RBFOX1: variants seen among roughly 807,000 people sequenced by gnomAD.
RBFOX1 encodes RNA binding fox-1 homolog 1, also known as RNA binding protein fox-1 homolog 1.
RBFOX1 carries 8 observed loss-of-function variants against 57.7 expected under a neutral mutation model. The observed-to-expected ratio is 0.14, with a 90% CI of 0.08 to 0.25. The LOEUF is 0.25. Ranked by LOEUF, RBFOX1 falls within the 10% of genes least tolerant of loss-of-function variation. RBFOX1 has a pLI of 1.00. For synonymous variants in RBFOX1, 326 were observed against 222.4 expected, an observed-to-expected ratio of 1.47 and a Z score of -4.15; for missense variants, 611 against 548.5, an observed-to-expected ratio of 1.11 and a Z score of -1.14.
chr16:7,675,123 T>C (rs1195687356), intron 13 of RBFOX1, among the ~76,000 whole-genome samples: 1 of 152,200 alleles, frequency 6.6e-6, no homozygotes, highest in African/African-American at 2.4e-5. Flanking sequence ...TTAAGTTTAA[T>C]GTATGTACCT....
At chr16:6,797,657 G>T (rs929268114) in intron 3 of RBFOX1, among the ~76,000 whole-genome samples, 3 of 152,080 alleles carry the variant, frequency 2.0e-5, no homozygotes, top group African/African-American at 7.2e-5. Context: ...CCTTGGTTCT[G>T]GAAAGGTCCT....
At chr16:5,751,125 G>A (rs927780969) in intron 3 of RBFOX1, among the ~76,000 whole-genome samples, 3 of 152,174 alleles carry the variant, frequency 2.0e-5, no homozygotes, top group African/African-American at 7.2e-5. Flanking sequence ...TTACAGGCAT[G>A]AGCCATCGTG....
chr16:7,445,318 T>C (rs1409186071), intron 4 of RBFOX1, among the ~76,000 whole-genome samples: 1 of 152,196 alleles, frequency 6.6e-6, no homozygotes, highest in East Asian at 1.9e-4. Context: ...TCTTAGCTTC[T>C]GAACAATAGC....
At chr16:5,875,942 C>T (rs964680190) in intron 4 of RBFOX1, among the ~76,000 whole-genome samples, 1 of 151,750 alleles carries the variant, frequency 6.6e-6, no homozygotes, top group African/African-American at 2.4e-5. Context: ...CTCCCAGCTT[C>T]ATGTCATTCT....
At position 5,858,682 on chromosome 16, in the gene RBFOX1, G is replaced by A. The variant is rs143069510; in HGVS notation, c.319-8621G>A. Among the ~76,000 whole-genome samples the A allele has an allele frequency of 7.9e-3, 1,206 of 152,280 alleles. 13 individuals carry two copies. Among genetic ancestry groups the A allele is most frequent in the African/African-American group, 0.028 (1,145 of 41,544 alleles). On this transcript the variant is annotated intron_variant, in intron 3 of 19. Coordinates refer to the RBFOX1 transcript ENST00000641259. The stretch of plus-strand genomic sequence containing the variant: ...AGAGTTATTAAGAGAAACCTTGTGC[G>A]TTTTCTAGAAGAATTTTAAGAGACA...
At chr16:5,422,929 G>A (rs1056093670) in intron 1 of RBFOX1, among the ~76,000 whole-genome samples, 1 of 128,910 alleles carries the variant, frequency 7.8e-6, no homozygotes, top group Admixed American at 7.6e-5. Flanking sequence ...GGAGAAGGAG[G>A]ATGAGGGAGA....
chr16:7,375,214 G>C (rs1037026572), intron 4 of RBFOX1, among the ~76,000 whole-genome samples: 1 of 152,164 alleles, frequency 6.6e-6, no homozygotes, highest in Non-Finnish European at 1.5e-5. Flanking sequence ...GAAGTACATC[G>C]TTTCAGTGAC....
At position 6,204,625 on chromosome 16, in the gene RBFOX1, A is replaced by C. The variant is rs531058931; in HGVS notation, c.-126-112370A>C. Among the ~76,000 whole-genome samples the C allele has an allele frequency of 7.9e-5, 12 of 152,312 alleles. No homozygotes were observed. The South Asian group carries it at 2.5e-3, about 32-fold the overall frequency. ...AAGAAAGCAGGTGACATTAGAGACT[A>C]ATTTGTAGGCACATATACAGTGTCC... On this transcript the variant is annotated intron_variant, in intron 1 of 15. Coordinates refer to ENST00000550418, the MANE Select transcript of RBFOX1 (RefSeq NM_018723.4).
At chr16:7,690,460 A>T (rs776259984) in intron 14 of RBFOX1, among the ~76,000 whole-genome samples, 1 of 152,126 alleles carries the variant, frequency 6.6e-6, no homozygotes, top group East Asian at 1.9e-4. Flanking sequence ...CAAGGTTGAG[A>T]ACGACTCAGC....
At chr16:5,631,721 T>A (rs2048514126) in intron 3 of RBFOX1, among the ~76,000 whole-genome samples, 1 of 152,178 alleles carries the variant, frequency 6.6e-6, no homozygotes, top group Non-Finnish European at 1.5e-5. Context: ...TTGTACTTAG[T>A]ATTGAGTTTT....
intron 1 of RBFOX1, among the ~76,000 whole-genome samples, chr16:5,337,315 C>T (rs377636167): frequency 4.5e-4 from 68 of 152,238 alleles, no homozygotes; most frequent in African/African-American, 1.5e-3. Context: ...GGTGAGTTTT[C>T]CCAAAGACCG....
chr16:5,681,598 G>A (rs2050341175), intron 3 of RBFOX1, among the ~76,000 whole-genome samples: 1 of 150,692 alleles, frequency 6.6e-6, no homozygotes, highest in Non-Finnish European at 1.5e-5. Context: ...TCTCCATGTT[G>A]GTCAGGCTGG....
chr16:6,634,487 C>T (rs568621189), intron 2 of RBFOX1, among the ~76,000 whole-genome samples: 162 of 149,358 alleles, frequency 1.1e-3, no homozygotes, highest in African/African-American at 3.2e-3. Context: ...ATGATACATA[C>T]TTATATAATA....
At chr16:7,162,708 A>G (rs1184664987) in intron 4 of RBFOX1, among the ~76,000 whole-genome samples, 1 of 152,174 alleles carries the variant, frequency 6.6e-6, no homozygotes, top group East Asian at 1.9e-4. Context: ...CACCCTGGGT[A>G]ACAGAGTGAG....
At chr16:6,330,277 G>C (rs2082857676) in intron 2 of RBFOX1, among the ~76,000 whole-genome samples, 1 of 152,174 alleles carries the variant, frequency 6.6e-6, no homozygotes, top group Non-Finnish European at 1.5e-5. Flanking sequence ...GGCTGAAACA[G>C]ATTGCAAGCT....
At chr16:7,001,387 TGTATGTGTATTTGTATATGTATATGTATA>T (rs2092777919) in intron 3 of RBFOX1, among the ~76,000 whole-genome samples, 1 of 133,076 alleles carries the variant, frequency 7.5e-6, no homozygotes, top group African/African-American at 3.6e-5. Flanking sequence ...TATGTGTATG[TGTATGTGTATTTGTATATGTATATGTATA>T]TGTATATGTA....
At chr16:7,202,367 G>T (rs1192915220) in intron 4 of RBFOX1, among the ~76,000 whole-genome samples, 1 of 151,022 alleles carries the variant, frequency 6.6e-6, no homozygotes, top group South Asian at 2.1e-4. Flanking sequence ...GACCCATTAC[G>T]CCCTGTGGGT....
At chr16:6,300,586 A>G (rs769351222) in intron 1 of RBFOX1, among the ~76,000 whole-genome samples, 3 of 152,204 alleles carry the variant, frequency 2.0e-5, no homozygotes, top group Non-Finnish European at 4.4e-5. Context: ...GGTTGGACTC[A>G]TGAAGCCTCC....
chr16:7,672,555 G>C (rs986936827), intron 13 of RBFOX1, among the ~76,000 whole-genome samples: 1 of 152,032 alleles, frequency 6.6e-6, no homozygotes, highest in African/African-American at 2.4e-5. Context: ...ACCTCCAACT[G>C]CCACCCTTCA....
Sources: gnomAD v4.1 joint callset for allele counts (sites outside exome capture counted in the v4.1 genomes callset) on GRCh38, gnomAD v4.1.1 for gene constraint, MANE v1.5 for transcripts, NCBI Gene and HGNC (gene_info 2026-07-23, HGNC 2026-07-21) for gene names.